Variants in TMEM132D observed in about 807,000 individuals in gnomAD.
TMEM132D encodes transmembrane protein 132D.
TMEM132D carries 21 observed loss-of-function variants against 62.3 expected under a neutral mutation model. The observed-to-expected ratio is 0.34, with a 90% CI of 0.24 to 0.49. The LOEUF (loss-of-function observed/expected upper bound fraction) is 0.49, where lower values mean the gene tolerates loss of function less well. Ranked by LOEUF, TMEM132D falls within the 20% of genes least tolerant of loss-of-function variation. The pLI, the probability that TMEM132D is intolerant of heterozygous loss-of-function variation, is 0.99. For missense variants in TMEM132D, 1,346 were observed against 1,402.8 expected, an observed-to-expected ratio of 0.96 and a Z score of 0.65; for synonymous variants, 621 against 575.6, an observed-to-expected ratio of 1.08 and a Z score of -1.13.
chr12:129,313,416 T>G (rs1442870493), intron 4 of TMEM132D, among the ~76,000 whole-genome samples: 1 of 152,158 alleles, frequency 6.6e-6, no homozygotes, highest in Non-Finnish European at 1.5e-5. Context: ...GGACATACAA[T>G]GTTTGACTTT....
chr12:129,497,640 T>C (rs921390177), intron 3 of TMEM132D, among the ~76,000 whole-genome samples: 3 of 152,148 alleles, frequency 2.0e-5, no homozygotes, highest in Non-Finnish European at 4.4e-5. Context: ...TTGAAAAGCT[T>C]ATTAGAGCAA....
At chr12:129,202,642 C>T (rs4246272) in intron 5 of TMEM132D, among the ~76,000 whole-genome samples, 141,183 of 152,202 alleles carry the variant, frequency 0.93, 65,570 homozygotes, top group East Asian at 0.96. Flanking sequence ...GCCAATGGCA[C>T]GTCCAGAATT....
intron 1 of TMEM132D, among the ~76,000 whole-genome samples, chr12:129,750,186 C>T (rs1006617023): frequency 5.3e-5 from 8 of 152,046 alleles, no homozygotes; most frequent in East Asian, 3.9e-4. Flanking sequence ...CCCAGGTTCA[C>T]GTCATTCTCC....
chr12:129,707,255 TAATA>T (rs1403630066), intron 1 of TMEM132D, among the ~76,000 whole-genome samples: 1 of 148,518 alleles, frequency 6.7e-6, no homozygotes, highest in African/African-American at 2.4e-5. Context: ...TATGTGTATA[TAATA>T]TATATGTTTA....
intron 4 of TMEM132D, among the ~76,000 whole-genome samples, chr12:129,252,955 C>T (rs1880307767): frequency 6.7e-6 from 1 of 148,656 alleles, no homozygotes; most frequent in Non-Finnish European, 1.5e-5. Flanking sequence ...AAAAACCAAA[C>T]ACCGCAAGTT....
intron 1 of TMEM132D, among the ~76,000 whole-genome samples, chr12:129,818,558 GT>G (rs1024041254): frequency 6.8e-6 from 1 of 146,334 alleles, no homozygotes; most frequent in African/African-American, 2.5e-5. Flanking sequence ...GTGTGGTGAG[GT>G]GTATGTGTGT....
At chr12:129,445,323 G>A (rs1158341728) in intron 3 of TMEM132D, among the ~76,000 whole-genome samples, 1 of 152,122 alleles carries the variant, frequency 6.6e-6, no homozygotes, top group Non-Finnish European at 1.5e-5. Context: ...TGGAGTGTGG[G>A]AGGAAGGAGA....
intron 3 of TMEM132D, among the ~76,000 whole-genome samples, chr12:129,525,229 T>TGG (rs1875990728): frequency 2.6e-5 from 2 of 75,848 alleles, no homozygotes; most frequent in African/African-American, 9.7e-5. Context: ...CCAGCCGGTT[T>TGG]TTTTTTTTTT....
intron 1 of TMEM132D, among the ~76,000 whole-genome samples, chr12:129,706,499 C>T (rs1048166152): frequency 6.6e-6 from 1 of 151,872 alleles, no homozygotes; most frequent in Non-Finnish European, 1.5e-5. Flanking sequence ...TAACAAAAAT[C>T]TCTTAAAATT....
At chr12:129,698,311 T>C (rs1041660953) in intron 2 of TMEM132D, 4 of 151,706 alleles carry the variant, frequency 2.6e-5, no homozygotes, top group African/African-American at 9.7e-5. Context: ...ATTCCGCGAA[T>C]GGCACGTCCA....
intron 1 of TMEM132D, among the ~76,000 whole-genome samples, chr12:129,854,368 G>A (rs1873646761): frequency 6.6e-6 from 1 of 152,298 alleles, no homozygotes; most frequent in East Asian, 1.9e-4. Context: ...ACAGGCCAAG[G>A]AAGTCAGAGG....
chr12:129,324,162 C>T (rs1868818157), intron 4 of TMEM132D, among the ~76,000 whole-genome samples: 1 of 151,948 alleles, frequency 6.6e-6, no homozygotes, highest in Admixed American at 6.6e-5. Flanking sequence ...TGATACTGTC[C>T]CCATGGTTAT....
intron 3 of TMEM132D, among the ~76,000 whole-genome samples, chr12:129,343,808 A>C (rs553865403): frequency 6.6e-6 from 1 of 151,906 alleles, no homozygotes; most frequent in African/African-American, 2.4e-5. Context: ...ATGGTGGCGT[A>C]TGCCTGTAAT....
chr12:129,176,758 C>A (rs1391546842), intron 5 of TMEM132D, among the ~76,000 whole-genome samples: 1 of 152,218 alleles, frequency 6.6e-6, no homozygotes, highest in Non-Finnish European at 1.5e-5. Flanking sequence ...GGCTGGGCAT[C>A]ACTTATCACA....
At chr12:129,110,412 C>T (rs1337148150) in intron 5 of TMEM132D, 1 of 152,130 alleles carries the variant, frequency 6.6e-6, no homozygotes, top group Non-Finnish European at 1.5e-5. Context: ...CTTTTGATTC[C>T]TATTAACCTT....
At chr12:129,216,522 A>G (rs60626573) in intron 4 of TMEM132D, among the ~76,000 whole-genome samples, 1,878 of 152,304 alleles carry the variant, frequency 0.012, 32 homozygotes, top group African/African-American at 0.043. Context: ...AGGAATATCA[A>G]GAATTGGCAC....
chr12:129,841,931 G>A (rs1052600247), intron 1 of TMEM132D, among the ~76,000 whole-genome samples: 16 of 143,572 alleles, frequency 1.1e-4, no homozygotes, highest in African/African-American at 2.0e-4. Flanking sequence ...CGTGGTTTTC[G>A]TGTTTTTTTT....
In TMEM132D at chr12:129,779,956, ACT is replaced by A. The variant is rs1410948897; in HGVS notation, c.80-79260_80-79259del. ...CCTTACAACCATCCTCCGAGAAAGC[ACT>A]GTCAGCCCCATTTCATCCATGAGGA... On this transcript the variant is annotated intron_variant, in intron 1 of 8. Coordinates refer to ENST00000422113, the MANE Select transcript of TMEM132D (RefSeq NM_133448.3). The surrounding 1 kb of genome is among the most constrained non-coding windows in gnomAD (Gnocchi z 4.1). 1.3e-5 allele frequency among the ~76,000 whole-genome samples: 2 copies of A among 152,052 alleles called. No individual in the cohort carries two copies. Among genetic ancestry groups the A allele is most frequent in the Non-Finnish European group, 2.9e-5 (2 of 68,020 alleles).
intron 4 of TMEM132D, among the ~76,000 whole-genome samples, chr12:129,298,746 G>A (rs1192905002): frequency 6.6e-6 from 1 of 152,082 alleles, no homozygotes; most frequent in Non-Finnish European, 1.5e-5. Context: ...GTCTTTCTGT[G>A]TCTGGCTTAT....
Sources: gnomAD v4.1 joint callset for allele counts (sites outside exome capture counted in the v4.1 genomes callset) on GRCh38, gnomAD v4.1.1 for gene constraint, Gnocchi (gnomAD v3.1) non-coding constraint, MANE v1.5 for transcripts, NCBI Gene and HGNC (gene_info 2026-07-23, HGNC 2026-07-21) for gene names.